Variants in ZNF540 observed in about 807,000 individuals in gnomAD.
ZNF540 encodes the protein CTD-3064H18.6.
A neutral mutation model predicts 11.8 loss-of-function variants in ZNF540; 3 were observed. The ratio of observed to expected loss-of-function variants is 0.25; its 90% CI spans 0.12 to 0.65. ZNF540 has a LOEUF of 0.65. ZNF540 is among the 30% of genes least tolerant of loss of function. The pLI, the probability that ZNF540 is intolerant of heterozygous loss-of-function variation, is 0.83. For missense variants in ZNF540, 709 were observed against 793.1 expected, an observed-to-expected ratio of 0.89 and a Z score of 1.27; for synonymous variants, 247 against 259.0, an observed-to-expected ratio of 0.95 and a Z score of 0.45.
intron 1 of ZNF540, among the ~76,000 whole-genome samples, chr19:37,574,651 C>T (rs1284803274): frequency 6.6e-6 from 1 of 152,186 alleles, no homozygotes; most frequent in African/African-American, 2.4e-5. Context: ...CATACCTAAA[C>T]TTTTCAACAA....
chr19:37,564,795 G>C, intron 1 of ZNF540: 9 of 1,613,830 alleles, frequency 5.6e-6, no homozygotes, highest in Non-Finnish European at 7.6e-6. Context: ...TGTTCAGTAA[G>C]GTGTGAGCCA....
intron 1 of ZNF540, among the ~76,000 whole-genome samples, chr19:37,598,009 G>A (rs1250408688): frequency 6.6e-6 from 1 of 152,248 alleles, no homozygotes; most frequent in Non-Finnish European, 1.5e-5. Flanking sequence ...CATGAAGGCA[G>A]TCTGCTTTGG....
At chr19:37,585,736 C>T (rs1346749810) in intron 1 of ZNF540, 3 of 152,092 alleles carry the variant, frequency 2.0e-5, no homozygotes, top group Non-Finnish European at 4.4e-5. Flanking sequence ...GTTACAAAAC[C>T]TATGTATACC....
At chr19:37,579,141 A>G (rs1401437794) in intron 1 of ZNF540, among the ~76,000 whole-genome samples, 1 of 152,190 alleles carries the variant, frequency 6.6e-6, no homozygotes, top group Non-Finnish European at 1.5e-5. Flanking sequence ...AGTGTTCTGT[A>G]GGACCCTGCA....
intron 4 of ZNF540, among the ~76,000 whole-genome samples, chr19:37,610,406 G>C (rs12460230): frequency 6.6e-6 from 1 of 152,100 alleles, no homozygotes; most frequent in Admixed American, 6.5e-5. Flanking sequence ...AGAGCAAAAA[G>C]AAAAATCAGT....
chr19:37,561,048 C>CAAAAAAAAAAAAAAAA (rs199892724), intron 1 of ZNF540, among the ~76,000 whole-genome samples: 7 of 73,782 alleles, frequency 9.5e-5, no homozygotes, highest in African/African-American at 2.7e-4. Flanking sequence ...CCTGTCTCTA[C>CAAAAAAAAAAAAAAAA]AAAAAAAAAA....
chr19:37,601,621 T>A (rs930999801), intron 4 of ZNF540, among the ~76,000 whole-genome samples: 7 of 152,192 alleles, frequency 4.6e-5, no homozygotes, highest in Admixed American at 4.6e-4. Flanking sequence ...ATGCATGCTA[T>A]GAAAGAAACC....
chr19:37,558,472 C>T lies in ZNF540; in HGVS notation c.-73+6807C>T, dbSNP rs902232143. Among the ~76,000 whole-genome samples, 79 of 152,118 alleles carry T rather than the reference C, an allele frequency of 5.2e-4. 1 individual carries two copies. The highest frequency in any genetic ancestry group is 8.8e-5 in the Non-Finnish European group (6 of 68,018). On this transcript the variant is annotated intron_variant, in intron 1 of 4. Coordinates refer to the ZNF540 transcript ENST00000592533. ...TCTAAAAACGGTCCTGGTGACTCAT[C>T]ATGCCCCTGGATGACTTCATTCGCC...
At chr19:37,599,810 T>G in intron 3 of ZNF540, 58 bp downstream of exon 3, 3 of 1,476,770 alleles carry the variant, frequency 2.0e-6, no homozygotes, top group Non-Finnish European at 1.8e-6. Flanking sequence ...TAGCTTTCTC[T>G]TCCACAAATT....
chr19:37,576,918 T>C (rs865865645), intron 1 of ZNF540, among the ~76,000 whole-genome samples: 6 of 152,178 alleles, frequency 3.9e-5, no homozygotes, highest in Non-Finnish European at 7.4e-5. Context: ...CCCTTTTTTT[T>C]TGTAATCAAT....
intron 1 of ZNF540, chr19:37,585,403 G>A (rs2043635737): frequency 6.6e-6 from 1 of 152,222 alleles, no homozygotes; most frequent in South Asian, 2.1e-4. Flanking sequence ...ATTAAAATAT[G>A]CAGACTAACA....
At chr19:37,571,731 G>A (rs959104034) in intron 1 of ZNF540, among the ~76,000 whole-genome samples, 14 of 152,166 alleles carry the variant, frequency 9.2e-5, no homozygotes, top group African/African-American at 3.4e-4. Context: ...AGGAGCATCT[G>A]TACTACTAGC....
intron 1 of ZNF540, chr19:37,564,584 C>A: frequency 6.7e-7 from 1 of 1,482,794 alleles, no homozygotes; most frequent in South Asian, 1.5e-5. Flanking sequence ...AATTTAATCA[C>A]ATTCAAGGCT....
At chr19:37,570,809 T>C (rs1210927480) in intron 1 of ZNF540, among the ~76,000 whole-genome samples, 1 of 152,132 alleles carries the variant, frequency 6.6e-6, no homozygotes, top group Non-Finnish European at 1.5e-5. Context: ...CATTATAGCA[T>C]TCATAGTAAA....
chr19:37,587,040 G>A (rs1036246194), intron 1 of ZNF540: 11 of 229,102 alleles, frequency 4.8e-5, no homozygotes, highest in African/African-American at 2.5e-4. Context: ...CACTAAGTCA[G>A]GTACTTTGCT....
chr19:37,581,267 C>T (rs1243692564), intron 1 of ZNF540, among the ~76,000 whole-genome samples: 1 of 152,110 alleles, frequency 6.6e-6, no homozygotes, highest in Non-Finnish European at 1.5e-5. Flanking sequence ...ATAGATTAGT[C>T]TCTTTTTAAT....
chr19:37,587,306 C>T (rs1475472685), intron 1 of ZNF540: 2 of 152,252 alleles, frequency 1.3e-5, no homozygotes, highest in Non-Finnish European at 2.9e-5. Context: ...ACACCTCCTC[C>T]CTTACTGCAG....
chr19:37,591,339 G>C (rs2043862498), upstream of ZNF540, among the ~76,000 whole-genome samples: 1 of 152,154 alleles, frequency 6.6e-6, no homozygotes, highest in Admixed American at 6.5e-5. Context: ...GAAAGACACA[G>C]AACTGCCTGG....
In ZNF540 at chr19:37,614,122, T is replaced by C. The variant is rs1317283123; in HGVS notation, c.*859T>C. The C allele has an allele frequency of 2.8e-6, 1 of 358,828 alleles. No individual in the cohort carries two copies. Among genetic ancestry groups the C allele is most frequent in the East Asian group, 4.1e-5 (1 of 24,492 alleles). 22.2% of individuals were successfully genotyped at this position (358,828 alleles called of 1,614,324 possible). A position where few individuals can be genotyped will look rare whatever the true frequency, so the allele number is the denominator to read the frequency against. On this transcript the variant is annotated 3_prime_UTR_variant, in exon 5 of 5. Coordinates refer to ENST00000316433, the MANE Select transcript of ZNF540 (RefSeq NM_001172225.3). The stretch of plus-strand genomic sequence containing the variant: ...CCACTGAGTCTACGATATTTTGTTA[T>C]GCAGCCCAGATAACTAAGGCACTCC...
Sources: allele counts gnomAD v4.1 joint callset (sites outside exome capture counted in the v4.1 genomes callset), GRCh38; gene constraint gnomAD v4.1.1; transcripts MANE v1.5; gene names NCBI Gene and HGNC (gene_info 2026-07-23, HGNC 2026-07-21).